Variants in NR1D1 observed in about 807,000 individuals in gnomAD.
The protein encoded by NR1D1 is Rev-ErbAalpha.
In NR1D1, 17 loss-of-function variants were observed where a neutral mutation model predicts 51.1. The ratio of observed to expected loss-of-function variants is 0.33; its 90% CI spans 0.23 to 0.50. The LOEUF is 0.50. Ranked by LOEUF, NR1D1 falls within the 20% of genes least tolerant of loss-of-function variation. The pLI is 0.98. For missense variants in NR1D1, 647 were observed against 830.4 expected, an observed-to-expected ratio of 0.78 and a Z score of 2.71; for synonymous variants, 341 against 333.4, an observed-to-expected ratio of 1.02 and a Z score of -0.25.
intron 1 of NR1D1, among the ~76,000 whole-genome samples, chr17:40,099,409 A>G (rs1862013053): frequency 6.6e-6 from 1 of 152,206 alleles, no homozygotes; most frequent in Admixed American, 6.5e-5. Context: ...GGTGGCAGCC[A>G]CGGCTTCTGC....
In NR1D1 at chr17:40,100,319, G is replaced by A. The variant is rs1987853067; in HGVS notation, c.-225C>T. ...CGGAGTTCTGCTTTGCATGGGAAGA[G>A]CAGAGAGAGTGTGTAGGGGGAATCA... On this transcript the variant is annotated 5_prime_UTR_variant, in exon 1 of 8. Coordinates refer to ENST00000246672, the MANE Select transcript of NR1D1 (RefSeq NM_021724.5). 4.9e-6 allele frequency: 3 copies of A among 617,522 alleles called. No homozygotes were observed. Among genetic ancestry groups the A allele is most frequent in the Admixed American group, 5.6e-5 (2 of 35,872 alleles). 38.3% of individuals were successfully genotyped at this position (617,522 alleles called of 1,614,324 possible).
intron 1 of NR1D1, among the ~76,000 whole-genome samples, chr17:40,099,696 G>C (rs73306819): frequency 0.035 from 5,359 of 152,244 alleles, 293 homozygotes; most frequent in African/African-American, 0.12. Flanking sequence ...TCCGTTTTCT[G>C]AGGCCAGGCA....
At chr17:40,099,288 G>A (rs979543554) in intron 1 of NR1D1, among the ~76,000 whole-genome samples, 1 of 152,238 alleles carries the variant, frequency 6.6e-6, no homozygotes, top group Non-Finnish European at 1.5e-5. Context: ...GACCCCGAAC[G>A]ATAGCAGGGC....
intron 6 of NR1D1, among the ~76,000 whole-genome samples, 160 bp from the exon 7 acceptor site, chr17:40,094,282 G>A (rs1416655299): frequency 1.3e-5 from 2 of 152,176 alleles, no homozygotes; most frequent in Non-Finnish European, 2.9e-5. Flanking sequence ...GTGGAAGGAT[G>A]GCTTTGGGAT....
chr17:40,095,714 G>A lies in NR1D1; in HGVS notation c.978C>T (p.Thr326=). The change falls in exon 5 of 8, where the codon ACC becomes ACT. Residue 326 remains threonine, a synonymous_variant. Transcript: ENST00000246672. ...ANHASGSPPA[T]TPHRWENQGC... is the part of the protein sequence containing the mutation. ...CCTGATTTTCCCAGCGATGTGGGGT[G>A]GTGGCTGGAGGGCTACCTGATGCAT... is the stretch of plus-strand genomic sequence containing the variant. 6.2e-7 allele frequency: 1 copy of A among 1,613,674 alleles called. No homozygotes were observed. Among genetic ancestry groups the A allele is most frequent in the Non-Finnish European group, 8.5e-7 (1 of 1,179,664 alleles).
In NR1D1 at chr17:40,097,406, GGAGA is replaced by G; in HGVS notation, c.32-7_32-4del. 5 of 1,598,968 alleles carry G rather than the reference GGAGA, an allele frequency of 3.1e-6. No individual in the cohort carries two copies. The highest frequency in any genetic ancestry group is 1.3e-5 in the African/African-American group (1 of 74,750). On this transcript the variant is annotated splice_polypyrimidine_tract_variant and splice_region_variant and intron_variant, in intron 1 of 7. Coordinates refer to ENST00000246672, the MANE Select transcript of NR1D1 (RefSeq NM_021724.5). The stretch of plus-strand genomic sequence containing the variant: ...GCCAATGTAGGTGATGACGCCACCT[GGAGA>G]GAGAACAAAAGGAAAGGGGGTGTCA...
Position 40,095,789 on chromosome 17 carries a change from G to A in NR1D1, c.903C>T (p.Thr301=), listed in dbSNP as rs376356468. Residue 301 remains threonine (T), a synonymous_variant, in exon 5 of 8, where the codon ACC becomes ACT. Coordinates refer to ENST00000246672, the MANE Select transcript of NR1D1 (RefSeq NM_021724.5). ...AGCTGCCCAGCTTGTCATGGGCGTA[G>A]GTGAAGATCTCTCGATGGGCCCGGG... ...QVARAHREIF[T]YAHDKLGSSP... is the part of the protein sequence containing the mutation. The A allele has an allele frequency of 1.9e-5, 31 of 1,614,050 alleles. No homozygotes were observed. Among genetic ancestry groups the A allele is most frequent in the Non-Finnish European group, 2.5e-5 (30 of 1,180,034 alleles).
intron 1 of NR1D1, 116 bp from the exon 2 acceptor site, chr17:40,097,519 T>C: frequency 2.6e-6 from 2 of 777,292 alleles, no homozygotes; most frequent in Non-Finnish European, 2.1e-6. Context: ...CAGTTCACCA[T>C]GTGGAGCCCC....
At chr17:40,099,897 C>T (rs929218356) in intron 1 of NR1D1, among the ~76,000 whole-genome samples, 167 bp downstream of exon 1, 1 of 152,058 alleles carries the variant, frequency 6.6e-6, no homozygotes, top group Non-Finnish European at 1.5e-5. Flanking sequence ...CATTTCCAGC[C>T]CGAACAAGCC....
intron 5 of NR1D1, 96 bp from the exon 6 acceptor site, chr17:40,095,216 G>T: frequency 7.5e-7 from 1 of 1,326,090 alleles, no homozygotes. Flanking sequence ...GCCTGGGCTA[G>T]GGGCTGTGGC....
In NR1D1 at chr17:40,092,892, G is replaced by A; in HGVS notation, c.*191C>T. 1.5e-6 allele frequency: 2 copies of A among 1,353,810 alleles called. No individual in the cohort carries two copies. Among genetic ancestry groups the A allele is most frequent in the South Asian group, 3.0e-5 (2 of 66,672 alleles). 83.9% of individuals were successfully genotyped at this position (1,353,810 alleles called of 1,614,324 possible). A position where few individuals can be genotyped will look rare whatever the true frequency, so the allele number is the denominator to read the frequency against. ...GAGTGGTTTAAATAGGGGAGGAGGG[G>A]AAGTTCGGTGATGGGGGAGGGAGGC... On this transcript the variant is annotated 3_prime_UTR_variant, in exon 8 of 8. Transcript: ENST00000246672.
chr17:40,094,078 C>G lies in NR1D1; in HGVS notation c.1479G>C (p.Gln493His), dbSNP rs937243891. Residue 493 changes from glutamine (Q) to histidine (H), a missense_variant, in exon 7 of 8, where the codon CAG (glutamine) becomes CAC (histidine). Gln to His is a conservative substitution (Grantham distance 24, BLOSUM62 0). Coordinates refer to ENST00000246672, the MANE Select transcript of NR1D1 (RefSeq NM_021724.5). The stretch of plus-strand genomic sequence containing the variant: ...TGGTGCGGCTTAGGAACATCACTGT[C>G]TGGTCCTTCACGTTGAACAACGAAG... ...RFASLFNVKD[Q>H]TVMFLSRTTY... The G allele has an allele frequency of 3.7e-6, 6 of 1,613,918 alleles. No individual in the cohort carries two copies. Among genetic ancestry groups the G allele is most frequent in the South Asian group, 2.2e-5 (2 of 91,088 alleles).
chr17:40,095,819 C>T lies in NR1D1; in HGVS notation c.873G>A (p.Gln291=). The change falls in exon 5 of 8, where the codon CAG becomes CAA. Residue 291 remains glutamine, a synonymous_variant. Coordinates refer to ENST00000246672, the MANE Select transcript of NR1D1 (RefSeq NM_021724.5). ...PEPTVEDVIS[Q]VARAHREIFT... ...AGATCTCTCGATGGGCCCGGGCCAC[C>T]TGGGATATCACATCCTCCACTGTGG... The T allele has an allele frequency of 6.2e-7, 1 of 1,613,786 alleles. No individual in the cohort carries two copies. The highest frequency in any genetic ancestry group is 8.5e-7 in the Non-Finnish European group (1 of 1,179,926).
At position 40,095,056 on chromosome 17, in the gene NR1D1, T is replaced by A; in HGVS notation, c.1313A>T (p.Asp438Val). 6.2e-7 allele frequency: 1 copy of A among 1,614,034 alleles called. No homozygotes were observed. ...AGCGGGCGTGAAGCTCATGGAGAAA[T>A]CCTCCCAGATCTCCTGCACCGTTCG... ...SGRTVQEIWE[D>V]FSMSFTPAVR... is the part of the protein sequence containing the mutation. The change falls in exon 6 of 8, where the codon GAT becomes GTT. Residue 438 changes from aspartate (D) to valine (V), a missense_variant. Physicochemically the swap from Asp to Val is radical, Grantham distance 152. Around this residue, in one of 7 missense-constraint regions of NR1D1, gnomAD observed 185 missense variants for 176.3 expected, o/e 1.05. Transcript: ENST00000246672.
intron 5 of NR1D1, 105 bp from the exon 6 acceptor site, chr17:40,095,225 G>T: frequency 8.0e-7 from 1 of 1,255,496 alleles, no homozygotes; most frequent in Non-Finnish European, 1.1e-6. Flanking sequence ...AGGGGCTGTG[G>T]CCCTGAAGGA....
Position 40,099,836 on chromosome 17 carries a change from C to T in NR1D1, c.31+228G>A, listed in dbSNP as rs535496717. On this transcript the variant is annotated intron_variant, in intron 1 of 7. Coordinates refer to ENST00000246672, the MANE Select transcript of NR1D1 (RefSeq NM_021724.5). ...TTTCCTCCTGCCCAGGGATTCGAGGCTCAAGGGAGCTTTGGGACTCTGAGG... is the reference window on the plus strand; with the variant it reads ...TTTCCTCCTGCCCAGGGATTCGAGGTTCAAGGGAGCTTTGGGACTCTGAGG... Among the ~76,000 whole-genome samples, 4 of 152,250 alleles carry T rather than the reference C, an allele frequency of 2.6e-5. No individual in the cohort carries two copies. In the East Asian group the frequency reaches 7.7e-4, roughly 29 times the overall value.
intron 2 of NR1D1, 33 bp from the exon 3 acceptor site, chr17:40,096,812 G>C (rs374012940): frequency 6.2e-7 from 1 of 1,607,104 alleles, no homozygotes. Context: ...GTGAGCAGGA[G>C]AGGCCAGGCT....
rs1987731336 is a variant in NR1D1, at chr17:40,095,370, C to T, written c.1248+74G>A. 5.4e-6 allele frequency: 8 copies of T among 1,493,040 alleles called. No homozygotes were observed. In the East Asian group the frequency reaches 1.9e-4, roughly 35 times the overall value. 92.5% of individuals were successfully genotyped at this position (1,493,040 alleles called of 1,614,324 possible). A position where few individuals can be genotyped will look rare whatever the true frequency, so the allele number is the denominator to read the frequency against. ...ACACTCAGCCTCCAGGAACCCCCAG[C>T]TGCCCTACACTAAGTCCATTCTGCC... On this transcript the variant is annotated intron_variant, in intron 5 of 7. Transcript: ENST00000246672.
At position 40,100,182 on chromosome 17, in the gene NR1D1, C is replaced by T; in HGVS notation, c.-88G>A. The T allele has an allele frequency of 9.4e-7, 1 of 1,066,876 alleles. No individual in the cohort carries two copies. Among genetic ancestry groups the T allele is most frequent in the South Asian group, 1.3e-5 (1 of 79,294 alleles). The allele number at this position is 1,066,876 out of a possible 1,614,324, so 66.1% of individuals were successfully genotyped here. A position where few individuals can be genotyped will look rare whatever the true frequency, so the allele number is the denominator to read the frequency against. On this transcript the variant is annotated 5_prime_UTR_variant, in exon 1 of 8. Transcript: ENST00000246672. ...GCCGCTGTTGCCCCCTGGGCACTGG[C>T]TAAGGGCGGGGAGTGGACCCCGCGA...
Sources: gnomAD v4.1 joint callset for allele counts (sites outside exome capture counted in the v4.1 genomes callset) on GRCh38, gnomAD v4.1.1 for gene constraint, gnomAD v4.1.1 regional missense constraint, MANE v1.5 for transcripts, NCBI Gene and HGNC (gene_info 2026-07-23, HGNC 2026-07-21) for gene names.